BMPER: variants seen among roughly 807,000 people sequenced by gnomAD.
BMPER encodes BMP-binding endothelial regulator protein.
Under a neutral mutation model 87.3 loss-of-function variants are expected in BMPER, and 45 were observed. That is an observed-to-expected ratio of 0.52 (90% confidence interval 0.41 to 0.66). BMPER has a LOEUF of 0.66. BMPER is among the 30% of genes least tolerant of loss of function. The pLI, the probability that BMPER is intolerant of heterozygous loss-of-function variation, is 0.00. For missense variants in BMPER, 784 were observed against 867.5 expected (o/e 0.90, Z 1.21); for synonymous variants, 326 against 316.2 (o/e 1.03, Z -0.33).
intron 12 of BMPER, among the ~76,000 whole-genome samples, chr7:34,084,541 G>A (rs1789147425): frequency 1.3e-5 from 2 of 152,198 alleles, no homozygotes; most frequent in Non-Finnish European, 2.9e-5. Flanking sequence ...CACTGCCAGG[G>A]TGTTGCCAGA....
intron 6 of BMPER, among the ~76,000 whole-genome samples, chr7:33,986,733 A>G (rs990116960): frequency 2.6e-5 from 4 of 152,192 alleles, no homozygotes; most frequent in Non-Finnish European, 5.9e-5. Context: ...GAGGACGAGA[A>G]TGGAAATATT....
At chr7:34,104,484 C>T (rs891019089) in intron 13 of BMPER, among the ~76,000 whole-genome samples, 1 of 152,170 alleles carries the variant, frequency 6.6e-6, no homozygotes, top group African/African-American at 2.4e-5. Flanking sequence ...GGTGTTTAAA[C>T]CTTGAGACTT....
intron 12 of BMPER, among the ~76,000 whole-genome samples, chr7:34,082,510 C>G (rs1789080249): frequency 6.6e-6 from 1 of 152,010 alleles, no homozygotes; most frequent in Non-Finnish European, 1.5e-5. Context: ...TGTGAAAAAT[C>G]TTCTTAATGT....
At chr7:34,126,078 C>G (rs1032316563) in intron 13 of BMPER, among the ~76,000 whole-genome samples, 5 of 152,186 alleles carry the variant, frequency 3.3e-5, no homozygotes, top group Non-Finnish European at 4.4e-5. Flanking sequence ...AAAATAATTT[C>G]TGACTTGAGA....
chr7:34,077,762 G>C (rs951168767), intron 11 of BMPER, among the ~76,000 whole-genome samples: 18 of 152,096 alleles, frequency 1.2e-4, no homozygotes, highest in African/African-American at 3.9e-4. Flanking sequence ...AGATCAGCTG[G>C]CACATCCTTC....
intron 2 of BMPER, among the ~76,000 whole-genome samples, chr7:33,912,416 C>T (rs371428317): frequency 9.8e-5 from 15 of 152,298 alleles, no homozygotes; most frequent in African/African-American, 3.6e-4. Context: ...CCATTTCAAA[C>T]ACTGTTTATT....
At chr7:34,082,779 C>T (rs1299370353) in intron 12 of BMPER, among the ~76,000 whole-genome samples, 4 of 152,110 alleles carry the variant, frequency 2.6e-5, no homozygotes, top group South Asian at 2.1e-4. Flanking sequence ...GTAGTAAAGA[C>T]GTTGGAAATC....
chr7:34,141,118 C>A (rs1174477638), intron 13 of BMPER, among the ~76,000 whole-genome samples: 1 of 152,118 alleles, frequency 6.6e-6, no homozygotes, highest in Non-Finnish European at 1.5e-5. Context: ...AAAGTTGAAA[C>A]AACAAAGGGA....
At chr7:33,936,791 T>C (rs937548733) in intron 2 of BMPER, among the ~76,000 whole-genome samples, 2 of 152,222 alleles carry the variant, frequency 1.3e-5, no homozygotes, top group African/African-American at 4.8e-5. Flanking sequence ...ACCAAGCCGA[T>C]CCAATATTCA....
chr7:33,987,366 T>C (rs547133101), intron 6 of BMPER, among the ~76,000 whole-genome samples: 26 of 152,064 alleles, frequency 1.7e-4, no homozygotes, highest in Non-Finnish European at 2.8e-4. Flanking sequence ...TCTCTGAAGA[T>C]TGGAGGATGC....
upstream of BMPER, chr7:33,905,190 GC>G: frequency 3.6e-6 from 1 of 274,690 alleles, no homozygotes; most frequent in South Asian, 3.8e-5. Context: ...GACAGCGACA[GC>G]CCCCGAAACA....
At chr7:34,116,970 A>T (rs1317989029) in intron 13 of BMPER, among the ~76,000 whole-genome samples, 1 of 152,108 alleles carries the variant, frequency 6.6e-6, no homozygotes, top group Non-Finnish European at 1.5e-5. Flanking sequence ...AGCCTGGGTG[A>T]CAAAGGGAGA....
At chr7:34,112,147 G>A (rs1789982122) in intron 13 of BMPER, among the ~76,000 whole-genome samples, 1 of 151,972 alleles carries the variant, frequency 6.6e-6, no homozygotes, top group Non-Finnish European at 1.5e-5. Context: ...CAAACTTATT[G>A]AGCTCAAAAA....
chr7:34,014,104 G>A (rs903248959), intron 6 of BMPER, among the ~76,000 whole-genome samples: 2 of 151,934 alleles, frequency 1.3e-5, no homozygotes, highest in Admixed American at 6.6e-5. Context: ...AAATACTAGA[G>A]CTCATTTACT....
intron 11 of BMPER, among the ~76,000 whole-genome samples, chr7:34,076,323 C>T (rs1264429994): frequency 1.3e-5 from 2 of 152,242 alleles, no homozygotes; most frequent in East Asian, 3.9e-4. Context: ...AAAATAACAA[C>T]GAATAAAAAA....
intron 3 of BMPER, chr7:33,939,989 C>G (rs1343580759): frequency 3.4e-6 from 1 of 294,470 alleles, no homozygotes; most frequent in Non-Finnish European, 7.9e-6. Context: ...CAGTCCTGTT[C>G]ACTCTTAAAT....
chr7:33,975,780 CAT>C, intron 6 of BMPER, among the ~76,000 whole-genome samples: 1 of 152,278 alleles, frequency 6.6e-6, no homozygotes, highest in African/African-American at 2.4e-5. Flanking sequence ...AAAGCAGAAT[CAT>C]ATTTGGATCA....
chr7:34,040,128 C>T (rs1787796938), intron 6 of BMPER, among the ~76,000 whole-genome samples: 1 of 151,962 alleles, frequency 6.6e-6, no homozygotes, highest in African/African-American at 2.4e-5. Flanking sequence ...GAGGGAGTGC[C>T]AGCTGGCTGG....
chr7:34,042,750 A>G (rs1485635164), intron 6 of BMPER: 1 of 152,132 alleles, frequency 6.6e-6, no homozygotes. Context: ...GTTTTGTTTC[A>G]TTGCTCTTCT....
Sources: gnomAD v4.1 joint callset for allele counts (sites outside exome capture counted in the v4.1 genomes callset) on GRCh38, gnomAD v4.1.1 for gene constraint, MANE v1.5 for transcripts, NCBI Gene and HGNC (gene_info 2026-07-23, HGNC 2026-07-21) for gene names.